The following SGCZ variants were observed in gnomAD, a reference collection of about 807,000 sequenced individuals.
SGCZ encodes the protein sarcoglycan zeta.
A neutral mutation model predicts 41.3 loss-of-function variants in SGCZ; 40 were observed. The observed-to-expected ratio is 0.97, with a 90% CI of 0.75 to 1.26. The LOEUF (loss-of-function observed/expected upper bound fraction) is 1.26. SGCZ is among the 50% of genes most tolerant of loss of function. SGCZ has a pLI of 0.00. For missense variants in SGCZ, 552 were observed against 369.8 expected, an observed-to-expected ratio of 1.49 and a Z score of -4.04; for synonymous variants, 206 against 137.5, an observed-to-expected ratio of 1.50 and a Z score of -3.49.
chr8:15,229,659 G>C (rs1490909387), intron 1 of SGCZ, among the ~76,000 whole-genome samples: 1 of 152,148 alleles, frequency 6.6e-6, no homozygotes, highest in African/African-American at 2.4e-5. Flanking sequence ...CCTTGAATTA[G>C]TTTCTCCTTC....
chr8:15,215,861 G>C (rs1374829871), intron 1 of SGCZ, among the ~76,000 whole-genome samples: 2 of 152,110 alleles, frequency 1.3e-5, no homozygotes, highest in Non-Finnish European at 2.9e-5. Flanking sequence ...TGCAAACAAA[G>C]ATATAATGTG....
At chr8:15,105,043 A>G (rs6651385) in intron 1 of SGCZ, among the ~76,000 whole-genome samples, 96,276 of 151,934 alleles carry the variant, frequency 0.63, 31,974 homozygotes, top group Non-Finnish European at 0.74. Flanking sequence ...CAGTTAAATG[A>G]ATGTTGTCAT....
intron 1 of SGCZ, among the ~76,000 whole-genome samples, chr8:14,959,589 G>C (rs951833693): frequency 6.6e-6 from 1 of 151,998 alleles, no homozygotes; most frequent in Non-Finnish European, 1.5e-5. Context: ...GGGCTTTTTC[G>C]TTCTTCTCAG....
intron 4 of SGCZ, among the ~76,000 whole-genome samples, chr8:14,191,853 T>C (rs945363377): frequency 3.3e-5 from 5 of 152,172 alleles, no homozygotes; most frequent in African/African-American, 1.2e-4. Flanking sequence ...TAGCTAGTAA[T>C]GACTGGACTC....
intron 4 of SGCZ, among the ~76,000 whole-genome samples, chr8:14,201,820 T>G (rs1479978472): frequency 6.6e-6 from 1 of 152,082 alleles, no homozygotes; most frequent in East Asian, 1.9e-4. Flanking sequence ...AAATGACAAT[T>G]TCAAGATTAT....
chr8:14,581,384 G>A (rs1273101813), intron 1 of SGCZ, among the ~76,000 whole-genome samples: 2 of 152,048 alleles, frequency 1.3e-5, no homozygotes, highest in Non-Finnish European at 2.9e-5. Context: ...TGGGAATACA[G>A]GCATGAGCCA....
At position 14,090,322 on chromosome 8, in the gene SGCZ, G is replaced by C; in HGVS notation, c.*121C>G. On this transcript the variant is annotated 3_prime_UTR_variant, in exon 8 of 8. Coordinates refer to ENST00000382080, the MANE Select transcript of SGCZ (RefSeq NM_139167.4). ...TGGTGGCGAATCCCTGCTCACACTG[G>C]AAGTTGCTCTGTGGACCATTCGAAG... 1 of 977,834 alleles carries C rather than the reference G, an allele frequency of 1.0e-6. No homozygotes were observed. Among genetic ancestry groups the C allele is most frequent in the Non-Finnish European group, 1.5e-6 (1 of 679,360 alleles). 60.6% of individuals were successfully genotyped at this position (977,834 alleles called of 1,614,324 possible).
chr8:14,955,137 A>C lies in SGCZ; in HGVS notation c.39+282448T>G, dbSNP rs368485964. ...TTCCCTTTATTTTCCTTGTAGTTTT[A>C]TTGGCCATGCATCCATATCCAGCGT... On this transcript the variant is annotated intron_variant, in intron 1 of 7. Transcript: ENST00000382080. Among the ~76,000 whole-genome samples the C allele has an allele frequency of 4.0e-3, 605 of 151,772 alleles. 5 individuals are homozygous for C. Among genetic ancestry groups the C allele is most frequent in the African/African-American group, 0.014 (579 of 41,388 alleles).
At chr8:14,809,029 A>G (rs897272684) in intron 1 of SGCZ, among the ~76,000 whole-genome samples, 4 of 150,738 alleles carry the variant, frequency 2.7e-5, no homozygotes, top group Admixed American at 2.0e-4. Context: ...GAATTGAACA[A>G]TGAGATCAAA....
intron 2 of SGCZ, among the ~76,000 whole-genome samples, chr8:14,342,077 A>G (rs967957219): frequency 1.3e-5 from 2 of 152,224 alleles, no homozygotes; most frequent in African/African-American, 4.8e-5. Context: ...AATGTAGGAA[A>G]GTTTGGAACT....
At chr8:14,444,106 A>T (rs1254575057) in intron 2 of SGCZ, among the ~76,000 whole-genome samples, 2 of 152,206 alleles carry the variant, frequency 1.3e-5, no homozygotes, top group Non-Finnish European at 2.9e-5. Flanking sequence ...TCAAAACCAC[A>T]ATGAGATACC....
At chr8:14,201,072 T>C (rs921892908) in intron 4 of SGCZ, among the ~76,000 whole-genome samples, 2 of 152,104 alleles carry the variant, frequency 1.3e-5, no homozygotes, top group African/African-American at 4.8e-5. Flanking sequence ...AAAATGACAA[T>C]TAAAACTATT....
intron 2 of SGCZ, among the ~76,000 whole-genome samples, chr8:14,498,395 C>T (rs754787071): frequency 6.6e-6 from 1 of 151,886 alleles, no homozygotes; most frequent in Non-Finnish European, 1.5e-5. Flanking sequence ...GTTGATATAC[C>T]CTTTTTATCA....
At chr8:15,170,055 T>G (rs1286419496) in intron 1 of SGCZ, among the ~76,000 whole-genome samples, 1 of 152,260 alleles carries the variant, frequency 6.6e-6, no homozygotes, top group Non-Finnish European at 1.5e-5. Context: ...AACTGAGTGG[T>G]TTATCATTCA....
At chr8:14,617,646 G>A (rs1400593277) in intron 1 of SGCZ, among the ~76,000 whole-genome samples, 2 of 152,074 alleles carry the variant, frequency 1.3e-5, no homozygotes, top group African/African-American at 4.8e-5. Flanking sequence ...GGTAATCCAG[G>A]GAAAATGTCC....
At chr8:14,102,553 T>TAATAG in intron 6 of SGCZ, 54 bp from the exon 7 acceptor site, 2 of 1,290,720 alleles carry the variant, frequency 1.5e-6, no homozygotes, top group Non-Finnish European at 2.0e-6. Flanking sequence ...AAAAAATCAT[T>TAATAG]AATAGAAAAA....
At chr8:14,864,960 G>C (rs1051968718) in intron 1 of SGCZ, among the ~76,000 whole-genome samples, 3 of 151,680 alleles carry the variant, frequency 2.0e-5, no homozygotes, top group Admixed American at 1.3e-4. Flanking sequence ...TTTTGAGAAA[G>C]GTCTATTCAG....
At chr8:14,787,065 A>G (rs1337375206) in intron 1 of SGCZ, among the ~76,000 whole-genome samples, 1 of 152,146 alleles carries the variant, frequency 6.6e-6, no homozygotes, top group Non-Finnish European at 1.5e-5. Flanking sequence ...GACTGGGAAT[A>G]GCATGAAAAT....
At chr8:14,971,595 A>C (rs1305431670) in intron 1 of SGCZ, among the ~76,000 whole-genome samples, 1 of 150,144 alleles carries the variant, frequency 6.7e-6, no homozygotes, top group Non-Finnish European at 1.5e-5. Flanking sequence ...CCAATCTTAC[A>C]TTCCTGGGAT....
Sources: allele counts gnomAD v4.1 joint callset (sites outside exome capture counted in the v4.1 genomes callset), GRCh38; gene constraint gnomAD v4.1.1; transcripts MANE v1.5; gene names NCBI Gene and HGNC (gene_info 2026-07-23, HGNC 2026-07-21).